The following CDK14 variants were observed in gnomAD, a reference collection of about 807,000 sequenced individuals.
The protein encoded by CDK14 is cyclin-dependent kinase 14.
CDK14 carries 34 observed loss-of-function variants against 60.7 expected under a neutral mutation model. That is an observed-to-expected ratio of 0.56 (90% confidence interval 0.43 to 0.75). The LOEUF is 0.75. Among genes scored for constraint, CDK14 ranks in the 30% least tolerant of loss-of-function variants. The probability of loss-of-function intolerance (pLI) is 0.00; values close to 1 mark genes in which losing one functional copy is unlikely to be tolerated. For synonymous variants in CDK14, 197 were observed against 203.7 expected, an observed-to-expected ratio of 0.97 and a Z score of 0.28; for missense variants, 482 against 564.1, an observed-to-expected ratio of 0.85 and a Z score of 1.47.
intron 8 of CDK14, among the ~76,000 whole-genome samples, chr7:90,918,213 A>T (rs1793137821): frequency 6.6e-6 from 1 of 152,196 alleles, no homozygotes; most frequent in Non-Finnish European, 1.5e-5. Context: ...GATACACAAT[A>T]ATGTACATTG....
intron 2 of CDK14, among the ~76,000 whole-genome samples, chr7:90,695,589 C>A (rs957119204): frequency 6.6e-6 from 1 of 151,972 alleles, no homozygotes; most frequent in African/African-American, 2.4e-5. Context: ...TATGACCAGG[C>A]TGAATTTCTG....
intron 2 of CDK14, among the ~76,000 whole-genome samples, chr7:90,711,154 A>C (rs1280715757): frequency 6.6e-6 from 1 of 152,066 alleles, no homozygotes; most frequent in East Asian, 1.9e-4. Flanking sequence ...ATTTTGTGAC[A>C]TAAGTAAATT....
chr7:90,750,868 C>T (rs1313277068), intron 4 of CDK14, among the ~76,000 whole-genome samples: 1 of 150,390 alleles, frequency 6.6e-6, no homozygotes, highest in Non-Finnish European at 1.5e-5. Flanking sequence ...GCGAGACTGT[C>T]TCCAAAAAAA....
chr7:90,996,694 T>A (rs1329748965), intron 10 of CDK14, among the ~76,000 whole-genome samples: 19 of 152,184 alleles, frequency 1.2e-4, no homozygotes, highest in Admixed American at 1.2e-3. Flanking sequence ...CTTACTAAAA[T>A]CTCTTTGTGG....
intron 11 of CDK14, among the ~76,000 whole-genome samples, 187 bp from the exon 12 acceptor site, chr7:91,079,245 C>T (rs959323159): frequency 3.3e-5 from 5 of 152,108 alleles, no homozygotes; most frequent in South Asian, 2.1e-4. Flanking sequence ...AATGCTTCAC[C>T]GTTTAATATG....
At position 91,062,488 on chromosome 7, in the gene CDK14, C is replaced by T. The variant is rs551347352; in HGVS notation, c.1105+16528C>T. Among the ~76,000 whole-genome samples, 69 of 152,122 alleles carry T rather than the reference C, an allele frequency of 4.5e-4. 1 individual carries two copies. The South Asian group carries it at 0.012, about 26-fold the overall frequency. On this transcript the variant is annotated intron_variant, in intron 11 of 14. Coordinates refer to ENST00000380050, the MANE Select transcript of CDK14 (RefSeq NM_001287135.2). Reference sequence around the variant, plus strand: ...TGCAGAAATCATTTGTCTTCTTCGTCGCTCACGGTGGGAGCTGTAGACTGG... The same window carrying T: ...TGCAGAAATCATTTGTCTTCTTCGTTGCTCACGGTGGGAGCTGTAGACTGG...
chr7:90,936,028 C>T (rs11979083), intron 8 of CDK14, among the ~76,000 whole-genome samples: 23,266 of 149,728 alleles, frequency 0.16, 1,911 homozygotes, highest in Non-Finnish European at 0.18. Context: ...GGCAACAGAG[C>T]GAGACCCTGT....
chr7:90,803,501 G>C (rs949416012), intron 5 of CDK14, among the ~76,000 whole-genome samples: 3 of 152,174 alleles, frequency 2.0e-5, no homozygotes, highest in Non-Finnish European at 2.9e-5. Flanking sequence ...TGAAGGTGGG[G>C]TTAGTCAGGG....
intron 12 of CDK14, among the ~76,000 whole-genome samples, chr7:91,092,943 C>T (rs974120633): frequency 7.9e-5 from 12 of 152,156 alleles, no homozygotes; most frequent in African/African-American, 2.9e-4. Flanking sequence ...AAAATCCCTC[C>T]TCCAATGTTT....
At chr7:90,746,242 T>C (rs1803585622) in intron 3 of CDK14, among the ~76,000 whole-genome samples, 1 of 152,234 alleles carries the variant, frequency 6.6e-6, no homozygotes, top group Non-Finnish European at 1.5e-5. Flanking sequence ...TGCTTCTAAT[T>C]CTGATTTATT....
At chr7:90,872,138 G>A (rs1177625556) in intron 6 of CDK14, among the ~76,000 whole-genome samples, 1 of 152,174 alleles carries the variant, frequency 6.6e-6, no homozygotes, top group Non-Finnish European at 1.5e-5. Context: ...TGTGATCTTA[G>A]ACGAGGTAAA....
intron 2 of CDK14, among the ~76,000 whole-genome samples, chr7:90,685,926 C>A (rs1801425494): frequency 6.6e-6 from 1 of 151,952 alleles, no homozygotes; most frequent in Non-Finnish European, 1.5e-5. Context: ...CCTGCTGCTT[C>A]ATGTTTCTTT....
At chr7:90,802,458 G>A (rs903443373) in intron 5 of CDK14, among the ~76,000 whole-genome samples, 16 of 152,158 alleles carry the variant, frequency 1.1e-4, no homozygotes, top group African/African-American at 3.9e-4. Context: ...TTGTCCAGGG[G>A]TTTCTCAGTT....
chr7:90,976,756 C>A (rs932803137), intron 9 of CDK14, among the ~76,000 whole-genome samples: 3 of 152,080 alleles, frequency 2.0e-5, no homozygotes, highest in African/African-American at 7.2e-5. Context: ...TATTGTCATA[C>A]AAGTAGTTTG....
chr7:90,698,655 A>G lies in CDK14; in HGVS notation c.124-27912A>G, dbSNP rs562291377. 7.2e-5 allele frequency among the ~76,000 whole-genome samples: 11 copies of G among 152,242 alleles called. No homozygotes were observed. In the East Asian group the frequency reaches 2.1e-3, roughly 29 times the overall value. On this transcript the variant is annotated intron_variant, in intron 2 of 14. Transcript: ENST00000380050. Reference sequence around the variant, plus strand: ...CATCAATTATCTTACAACACCCCCAATTTTTTTGGAAATGTATGCCTGCCA... The same window carrying G: ...CATCAATTATCTTACAACACCCCCAGTTTTTTTGGAAATGTATGCCTGCCA...
At chr7:90,871,331 A>G (rs1791366653) in intron 6 of CDK14, among the ~76,000 whole-genome samples, 1 of 152,176 alleles carries the variant, frequency 6.6e-6, no homozygotes. Flanking sequence ...AATGGGGTGG[A>G]GGAAAGGTAA....
intron 10 of CDK14, among the ~76,000 whole-genome samples, chr7:91,011,881 A>G (rs902043038): frequency 3.3e-5 from 5 of 150,774 alleles, no homozygotes; most frequent in Non-Finnish European, 1.5e-5. Flanking sequence ...TTTCTTTTCT[A>G]CAAAGTCTGT....
intron 6 of CDK14, among the ~76,000 whole-genome samples, chr7:90,893,242 G>A (rs1252773401): frequency 1.3e-5 from 2 of 152,154 alleles, no homozygotes; most frequent in Middle Eastern, 3.2e-3. Flanking sequence ...GCATAGCAAT[G>A]GTGATGGAGT....
intron 5 of CDK14, among the ~76,000 whole-genome samples, chr7:90,858,601 C>A (rs1258231719): frequency 6.6e-6 from 1 of 152,180 alleles, no homozygotes; most frequent in Non-Finnish European, 1.5e-5. Flanking sequence ...GCCTTTCTTA[C>A]AACATGATAT....
Sources: gnomAD v4.1 joint callset for allele counts (sites outside exome capture counted in the v4.1 genomes callset) on GRCh38, gnomAD v4.1.1 for gene constraint, MANE v1.5 for transcripts, NCBI Gene and HGNC (gene_info 2026-07-23, HGNC 2026-07-21) for gene names.